SHC3: variants seen among roughly 807,000 people sequenced by gnomAD.
SHC3 encodes the protein SHC-transforming protein 3.
In SHC3, 15 loss-of-function variants were observed where a neutral mutation model predicts 60.4. The observed-to-expected ratio is 0.25, with a 90% CI of 0.17 to 0.38. The LOEUF is 0.38. Among genes scored for constraint, SHC3 ranks in the 10% least tolerant of loss-of-function variants. The pLI, the probability that SHC3 is intolerant of heterozygous loss-of-function variation, is 1.00. For missense variants in SHC3, 677 were observed against 786.1 expected (o/e 0.86, Z 1.66); for synonymous variants, 294 against 325.9 (o/e 0.90, Z 1.05).
chr9:89,045,416 G>T (rs1440928621), intron 9 of SHC3, among the ~76,000 whole-genome samples: 2 of 151,952 alleles, frequency 1.3e-5, no homozygotes, highest in Non-Finnish European at 1.5e-5. Flanking sequence ...GAGTAGCTGG[G>T]ATTACAGGCA....
intron 1 of SHC3, among the ~76,000 whole-genome samples, chr9:89,125,943 TC>T (rs1341330022): frequency 1.3e-5 from 2 of 152,174 alleles, no homozygotes; most frequent in Non-Finnish European, 2.9e-5. Context: ...ATTCTTTTAT[TC>T]CTTTACTTTC....
At chr9:89,091,320 T>C (rs757799366) in intron 2 of SHC3, among the ~76,000 whole-genome samples, 1 of 152,172 alleles carries the variant, frequency 6.6e-6, no homozygotes, top group East Asian at 1.9e-4. Flanking sequence ...CACAAACAAA[T>C]GCATCAGCAG....
chr9:89,093,939 A>C (rs560460636), intron 2 of SHC3, among the ~76,000 whole-genome samples: 2 of 152,044 alleles, frequency 1.3e-5, no homozygotes, highest in African/African-American at 4.8e-5. Context: ...CCCCATCTCT[A>C]CTAAAAGTAC....
Position 89,018,310 on chromosome 9 carries a change from TAA to T in SHC3, c.1657-4737_1657-4736del, listed in dbSNP as rs57920346. 1.8e-4 allele frequency among the ~76,000 whole-genome samples: 27 copies of T among 152,016 alleles called. 1 individual carries two copies. In the East Asian group the frequency reaches 3.3e-3, roughly 19 times the overall value. On this transcript the variant is annotated intron_variant, in intron 11 of 11. Transcript: ENST00000375835. ...TACACCATGGAATACTATGCAGCCA[TAA>T]AAAAAAGGATGAGTTCATGTCCTTT... is the stretch of plus-strand genomic sequence containing the variant.
chr9:89,066,054 T>G (rs891296414), intron 5 of SHC3, among the ~76,000 whole-genome samples: 2 of 152,218 alleles, frequency 1.3e-5, no homozygotes, highest in African/African-American at 4.8e-5. Flanking sequence ...GACTGTAACG[T>G]GAACCACATG....
chr9:89,178,501 G>T lies in SHC3; in HGVS notation c.-41C>A. On this transcript the variant is annotated 5_prime_UTR_variant, in exon 1 of 12. Transcript: ENST00000375835. This position sits in a 1 kb window ranked among gnomAD's most constrained non-coding sequence, Gnocchi z 6.9. ...CGCTGCATCCGCCCGGGCGCTGCTG[G>T]TGCCGGCCCCGGCGCGGGCTGCCGC... 1 of 1,419,062 alleles carries T rather than the reference G, an allele frequency of 7.0e-7. No individual in the cohort carries two copies. The highest frequency in any genetic ancestry group is 1.6e-5 in the South Asian group (1 of 62,356). 87.9% of individuals were successfully genotyped at this position (1,419,062 alleles called of 1,614,324 possible). A position where few individuals can be genotyped will look rare whatever the true frequency, so the allele number is the denominator to read the frequency against.
intron 1 of SHC3, among the ~76,000 whole-genome samples, chr9:89,174,556 AC>A (rs1475844016): frequency 6.6e-6 from 1 of 152,226 alleles, no homozygotes; most frequent in Non-Finnish European, 1.5e-5. Flanking sequence ...AGCAGTGGGC[AC>A]CTAAAACCAT....
At chr9:89,071,340 A>G (rs1157079965) in intron 4 of SHC3, 88 bp from the exon 5 acceptor site, 1 of 1,342,062 alleles carries the variant, frequency 7.5e-7, no homozygotes. Context: ...AGGCATTACA[A>G]ATTGACATGT....
At position 89,065,533 on chromosome 9, in the gene SHC3, G is replaced by T. The variant is rs1282400148; in HGVS notation, c.831C>A (p.Arg277=). The T allele has an allele frequency of 6.2e-7, 1 of 1,614,146 alleles. No individual in the cohort carries two copies. The highest frequency in any genetic ancestry group is 1.1e-5 in the South Asian group (1 of 91,080). ...AAGGGGTCAAGCACCGCTTACCTCT[G>T]CGATTAACAGGGTCCTTAGCCACAT... ...VAYVAKDPVN[R]RACHILECCD... is the part of the protein sequence containing the mutation. The change falls in exon 6 of 12, where the codon CGC becomes CGA. Residue 277 remains arginine (R), a synonymous_variant. Transcript: ENST00000375835.
At chr9:89,060,442 C>T (rs535226343) in intron 6 of SHC3, among the ~76,000 whole-genome samples, 12 of 151,996 alleles carry the variant, frequency 7.9e-5, no homozygotes, top group East Asian at 5.8e-4. Flanking sequence ...GCCCTAGAGG[C>T]GGCACTGGAG....
chr9:89,074,691 C>CAAA (rs68051828), intron 4 of SHC3, among the ~76,000 whole-genome samples: 17 of 59,922 alleles, frequency 2.8e-4, no homozygotes, highest in South Asian at 8.6e-4. Flanking sequence ...GCCACTAAAG[C>CAAA]AAAAAAAAAA....
chr9:89,175,886 A>T (rs1826935562), intron 1 of SHC3, among the ~76,000 whole-genome samples: 1 of 152,214 alleles, frequency 6.6e-6, no homozygotes. Context: ...TAAACTCAAC[A>T]TGGGCAATGC....
At chr9:89,038,340 G>C (rs1370690345) in intron 10 of SHC3, 52 bp from the exon 11 acceptor site, 2 of 880,532 alleles carry the variant, frequency 2.3e-6, no homozygotes, top group Non-Finnish European at 3.0e-6. Context: ...AAGAGCAAAT[G>C]ATAAAAAAAA....
At chr9:89,058,354 C>T (rs899453509) in intron 6 of SHC3, among the ~76,000 whole-genome samples, 29 of 123,958 alleles carry the variant, frequency 2.3e-4, no homozygotes, top group Admixed American at 4.8e-4. Flanking sequence ...AGGATGGTGG[C>T]GTAGGACGTG....
At chr9:89,159,026 T>C (rs933130928) in intron 1 of SHC3, among the ~76,000 whole-genome samples, 1 of 152,154 alleles carries the variant, frequency 6.6e-6, no homozygotes, top group African/African-American at 2.4e-5. Flanking sequence ...GGTAGAAGTG[T>C]GCAGGGTAGA....
chr9:89,018,677 T>C (rs1310874633), intron 11 of SHC3, among the ~76,000 whole-genome samples: 1 of 151,170 alleles, frequency 6.6e-6, no homozygotes, highest in Non-Finnish European at 1.5e-5. Flanking sequence ...AAAGTAGTTT[T>C]TTTTTCTTTC....
At chr9:89,118,960 C>T (rs7038403) in intron 1 of SHC3, among the ~76,000 whole-genome samples, 4,298 of 152,036 alleles carry the variant, frequency 0.028, 192 homozygotes, top group African/African-American at 0.096. Flanking sequence ...ATTATTGATG[C>T]GTAACTTTAA....
chr9:89,177,894 C>A (rs1165659157), intron 1 of SHC3, 93 bp downstream of exon 1: 9 of 1,131,962 alleles, frequency 8.0e-6, no homozygotes, highest in Non-Finnish European at 9.8e-6. Context: ...GTCGCGGGAG[C>A]GCCCCGCACC....
chr9:89,143,795 C>A (rs897791942), intron 1 of SHC3, among the ~76,000 whole-genome samples: 9 of 152,132 alleles, frequency 5.9e-5, no homozygotes, highest in African/African-American at 2.2e-4. Context: ...AAGGGGCAGA[C>A]TGGCCTTTTT....
Sources: allele counts gnomAD v4.1 joint callset (sites outside exome capture counted in the v4.1 genomes callset), GRCh38; gene constraint gnomAD v4.1.1; non-coding constraint Gnocchi (gnomAD v3.1); transcripts MANE v1.5; gene names NCBI Gene and HGNC (gene_info 2026-07-23, HGNC 2026-07-21).